The following TET3 variants were observed in gnomAD, a reference collection of about 807,000 sequenced individuals.
The protein encoded by TET3 is tet methylcytosine dioxygenase 3.
TET3 carries 19 observed loss-of-function variants against 141.4 expected under a neutral mutation model. The ratio of observed to expected loss-of-function variants is 0.13; its 90% confidence interval spans 0.09 to 0.20. The LOEUF is 0.20. TET3 is among the 10% of genes least tolerant of loss of function. TET3 has a pLI of 1.00. For missense variants in TET3, 1,874 were observed against 2,356.9 expected, an observed-to-expected ratio of 0.80 and a Z score of 4.24; for synonymous variants, 1,043 against 980.9, an observed-to-expected ratio of 1.06 and a Z score of -1.18.
intron 4 of TET3, among the ~76,000 whole-genome samples, chr2:74,052,812 G>C (rs1688017434): frequency 6.6e-6 from 1 of 152,218 alleles, no homozygotes; most frequent in East Asian, 1.9e-4. Flanking sequence ...CGAGGTTGCA[G>C]TGAGCTGAGA....
At position 74,101,669 on chromosome 2, in the gene TET3, CGGT is replaced by C. The variant is rs974320392; in HGVS notation, c.4889_4891del (p.Gly1630del). On this transcript the variant is annotated inframe_deletion, in exon 12 of 12. Transcript: ENST00000409262. This position sits in a 1 kb window ranked among gnomAD's most constrained non-coding sequence, Gnocchi z 8.5. ...AGGGAGCGGTGAAGGAGGAGAAGGG[CGGT>C]GGTGGTGCGGAGGAGGAAGAGGAGG... 4.3e-6 allele frequency: 7 copies of C among 1,613,476 alleles called. No homozygotes were observed. The highest frequency in any genetic ancestry group is 5.9e-6 in the Non-Finnish European group (7 of 1,179,856).
intron 2 of TET3, among the ~76,000 whole-genome samples, chr2:73,996,271 C>T (rs540826288): frequency 1.3e-4 from 20 of 152,232 alleles, no homozygotes; most frequent in Middle Eastern, 3.4e-3. Flanking sequence ...AATGAGGGGA[C>T]GATGCTCAGG....
chr2:74,064,215 C>T (rs1485205129), intron 4 of TET3, among the ~76,000 whole-genome samples: 2 of 150,942 alleles, frequency 1.3e-5, no homozygotes, highest in Admixed American at 6.6e-5. Context: ...TTATGGCACC[C>T]GTATACACGC....
intron 2 of TET3, among the ~76,000 whole-genome samples, chr2:73,987,714 C>T (rs550982524): frequency 1.3e-5 from 2 of 152,298 alleles, no homozygotes; most frequent in Admixed American, 6.5e-5. Flanking sequence ...CCAGACAACT[C>T]GGGCCCCCTC....
intron 5 of TET3, 124 bp downstream of exon 5, chr2:74,073,763 G>A (rs1039984655): frequency 2.6e-6 from 2 of 756,102 alleles, no homozygotes; most frequent in Non-Finnish European, 2.0e-6. Context: ...CCTGATAACG[G>A]GCTTAGGGAA....
At chr2:73,990,344 A>G (rs1387767910) in intron 2 of TET3, among the ~76,000 whole-genome samples, 1 of 152,186 alleles carries the variant, frequency 6.6e-6, no homozygotes, top group African/African-American at 2.4e-5. Context: ...CAGCCTGCAT[A>G]CAACTCCAGA....
At chr2:74,133,060 G>A in the TET3 span, among the ~76,000 whole-genome samples, 1 of 147,796 alleles carries the variant, frequency 6.8e-6, no homozygotes, top group South Asian at 2.1e-4. Context: ...ACTATGCCTG[G>A]CTAATTTTTG....
the TET3 span, among the ~76,000 whole-genome samples, chr2:74,116,718 C>G: frequency 4.0e-5 from 6 of 151,630 alleles, no homozygotes; most frequent in African/African-American, 7.3e-5. Flanking sequence ...CACTGTGTAC[C>G]CCATGAATAT....
At position 74,088,010 on chromosome 2, in the gene TET3, A is replaced by G; in HGVS notation, c.2860A>G (p.Thr954Ala). 1 of 1,562,502 alleles carries G rather than the reference A, an allele frequency of 6.4e-7. No homozygotes were observed. Among genetic ancestry groups the G allele is most frequent in the Non-Finnish European group, 8.7e-7 (1 of 1,153,618 alleles). ...CACCCTCCGGAAGTATGGGAACCCC[A>G]CCAGCCGGAGATGCGGCCTCAACGA... ...TDTLRKYGNP[T>A]SRRCGLNDDR... The change falls in exon 7 of 12, where the codon ACC becomes GCC. Residue 954 changes from threonine (T) to alanine (A), a missense_variant. Physicochemically the swap from Thr to Ala is moderately conservative, Grantham distance 58. Coordinates refer to ENST00000409262, the MANE Select transcript of TET3 (RefSeq NM_001287491.2).
At chr2:73,988,879 T>C (rs1233145538) in intron 2 of TET3, among the ~76,000 whole-genome samples, 2 of 151,722 alleles carry the variant, frequency 1.3e-5, no homozygotes, top group Non-Finnish European at 1.5e-5. Flanking sequence ...TCTTAAAATG[T>C]GCTTTATGAA....
chr2:74,009,021 C>G (rs894154725), intron 3 of TET3, among the ~76,000 whole-genome samples: 5 of 152,232 alleles, frequency 3.3e-5, no homozygotes, highest in Non-Finnish European at 7.3e-5. Context: ...ACACTGAGCT[C>G]CTGAGCTGTG....
At chr2:74,074,039 T>C (rs1199689089) in intron 5 of TET3, 3 of 154,466 alleles carry the variant, frequency 1.9e-5, no homozygotes, top group Admixed American at 1.9e-4. Flanking sequence ...AGGTTATTTT[T>C]CCTTTTTTTC....
chr2:74,065,053 T>C (rs1245140881), intron 4 of TET3, among the ~76,000 whole-genome samples: 2 of 152,248 alleles, frequency 1.3e-5, no homozygotes, highest in African/African-American at 2.4e-5. Flanking sequence ...ATTTTTCTTT[T>C]TATGTATATA....
chr2:74,055,886 T>G (rs540611921), intron 4 of TET3, among the ~76,000 whole-genome samples: 1 of 152,234 alleles, frequency 6.6e-6, no homozygotes, highest in East Asian at 1.9e-4. Flanking sequence ...CTACACCACC[T>G]GAGACTCTGC....
Position 74,028,438 on chromosome 2 carries a change from T to G in TET3, c.361-17840T>G, listed in dbSNP as rs548612872. 6.6e-5 allele frequency among the ~76,000 whole-genome samples: 10 copies of G among 152,346 alleles called. No homozygotes were observed. The East Asian group carries it at 1.9e-3, about 29-fold the overall frequency. On this transcript the variant is annotated intron_variant, in intron 3 of 11. Coordinates refer to ENST00000409262, the MANE Select transcript of TET3 (RefSeq NM_001287491.2). ...TATTTATGTCTGTTTTAGAGTTTTATAGTTTTAGTTCTTACACTTGGGTCT... is the reference window on the plus strand; with the variant it reads ...TATTTATGTCTGTTTTAGAGTTTTAGAGTTTTAGTTCTTACACTTGGGTCT...
intron 2 of TET3, among the ~76,000 whole-genome samples, chr2:73,994,566 G>A (rs1206847741): frequency 6.6e-6 from 1 of 151,738 alleles, no homozygotes; most frequent in Non-Finnish European, 1.5e-5. Context: ...ATTCACATTT[G>A]GTGGTCTCTT....
chr2:74,033,255 G>A (rs577519938), intron 3 of TET3, among the ~76,000 whole-genome samples: 5 of 152,112 alleles, frequency 3.3e-5, no homozygotes, highest in Non-Finnish European at 5.9e-5. Flanking sequence ...CCTCTATCAC[G>A]CAGAGGATAA....
intron 11 of TET3, 113 bp downstream of exon 11, chr2:74,099,725 TGTCA>T: frequency 8.7e-7 from 1 of 1,154,316 alleles, no homozygotes; most frequent in Admixed American, 2.9e-5. Flanking sequence ...TCTGCTTAAT[TGTCA>T]GTCAGAAGGG....
downstream of TET3, among the ~76,000 whole-genome samples, chr2:74,113,055 T>C (rs1691743960): frequency 7.4e-6 from 1 of 135,164 alleles, no homozygotes; most frequent in Non-Finnish European, 1.6e-5. Context: ...AACATCTTAC[T>C]GAATGGAGAA....
Sources: allele counts gnomAD v4.1 joint callset (sites outside exome capture counted in the v4.1 genomes callset), GRCh38; gene constraint gnomAD v4.1.1; non-coding constraint Gnocchi (gnomAD v3.1); transcripts MANE v1.5; gene names NCBI Gene and HGNC (gene_info 2026-07-23, HGNC 2026-07-21).